Variants in HS3ST3A1 observed in about 807,000 individuals in gnomAD.
HS3ST3A1 encodes heparan sulfate-glucosamine 3-sulfotransferase 3A1, also known as heparan sulfate glucosamine 3-O-sulfotransferase 3A1.
HS3ST3A1 carries 19 observed loss-of-function variants against 25.7 expected under a neutral mutation model. The observed-to-expected ratio is 0.74, with a 90% CI of 0.52 to 1.08. The LOEUF is 1.08. Among genes scored for constraint, HS3ST3A1 ranks in the 50% least tolerant of loss-of-function variants. HS3ST3A1 has a pLI of 0.00. For missense variants in HS3ST3A1, 459 were observed against 594.3 expected, an observed-to-expected ratio of 0.77 and a Z score of 2.37; for synonymous variants, 226 against 278.6, an observed-to-expected ratio of 0.81 and a Z score of 1.88.
At chr17:13,568,786 C>T (rs1433976971) in intron 1 of HS3ST3A1, among the ~76,000 whole-genome samples, 2 of 152,100 alleles carry the variant, frequency 1.3e-5, no homozygotes, top group African/African-American at 2.4e-5. Flanking sequence ...AAAAATCACT[C>T]GGAACAGCTT....
intron 1 of HS3ST3A1, among the ~76,000 whole-genome samples, chr17:13,498,676 C>T (rs1905359280): frequency 6.6e-6 from 1 of 152,194 alleles, no homozygotes; most frequent in Non-Finnish European, 1.5e-5. Context: ...GCAGGCTTCC[C>T]CAAACTGGGT....
intron 1 of HS3ST3A1, among the ~76,000 whole-genome samples, chr17:13,597,163 C>A (rs140711575): frequency 2.0e-5 from 3 of 151,926 alleles, no homozygotes; most frequent in African/African-American, 7.2e-5. Context: ...TATCTTGTAC[C>A]AAAATAATAG....
At chr17:13,512,812 G>A (rs1012154774) in intron 1 of HS3ST3A1, among the ~76,000 whole-genome samples, 6 of 152,132 alleles carry the variant, frequency 3.9e-5, no homozygotes, top group African/African-American at 7.2e-5. Flanking sequence ...ATCTGCGTAT[G>A]TCTTTGTTTT....
intron 1 of HS3ST3A1, among the ~76,000 whole-genome samples, chr17:13,551,625 A>AGG (rs753574251): frequency 0.028 from 2,897 of 104,988 alleles, 57 homozygotes; most frequent in Non-Finnish European, 0.042. Flanking sequence ...GAAAAAAAAA[A>AGG]GGGGGGGGGG....
intron 1 of HS3ST3A1, among the ~76,000 whole-genome samples, chr17:13,552,111 G>C (rs538038347): frequency 6.6e-6 from 1 of 152,064 alleles, no homozygotes; most frequent in South Asian, 2.1e-4. Context: ...ACAGAGTCTC[G>C]TTCTGTCGCC....
intron 1 of HS3ST3A1, among the ~76,000 whole-genome samples, chr17:13,528,722 T>A (rs1201596794): frequency 6.6e-6 from 1 of 152,080 alleles, no homozygotes; most frequent in African/African-American, 2.4e-5. Flanking sequence ...GTGTGATGGA[T>A]CCAACCACTG....
At chr17:13,576,882 G>T (rs1395090442) in intron 1 of HS3ST3A1, among the ~76,000 whole-genome samples, 1 of 152,172 alleles carries the variant, frequency 6.6e-6, no homozygotes, top group East Asian at 1.9e-4. Flanking sequence ...CATTTGGTTG[G>T]TAGGATGGCC....
chr17:13,566,087 T>C lies in HS3ST3A1; in HGVS notation c.599+34444A>G, dbSNP rs941101299. ...TCTGGTTTACTGTGCATTGCAGATA[T>C]TGCATTTTTTAAAAATTGAAGGTTT... On this transcript the variant is annotated intron_variant, in intron 1 of 1. Coordinates refer to ENST00000284110, the MANE Select transcript of HS3ST3A1 (RefSeq NM_006042.3). Among the ~76,000 whole-genome samples, 105 of 152,234 alleles carry C rather than the reference T, an allele frequency of 6.9e-4. 1 individual carries two copies. Among genetic ancestry groups the C allele is most frequent in the African/African-American group, 2.5e-3 (105 of 41,464 alleles).
At chr17:13,519,138 C>T (rs1201477473) in intron 1 of HS3ST3A1, among the ~76,000 whole-genome samples, 1 of 152,170 alleles carries the variant, frequency 6.6e-6, no homozygotes, top group Non-Finnish European at 1.5e-5. Flanking sequence ...GATGTACCCT[C>T]TAAGAAATTG....
intron 1 of HS3ST3A1, among the ~76,000 whole-genome samples, chr17:13,511,052 C>T (rs549368185): frequency 6.6e-6 from 1 of 152,310 alleles, no homozygotes. Flanking sequence ...TTTTACATAG[C>T]CTCTTAGTGC....
intron 1 of HS3ST3A1, among the ~76,000 whole-genome samples, chr17:13,499,280 C>T (rs932545800): frequency 1.5e-4 from 23 of 152,064 alleles, no homozygotes; most frequent in African/African-American, 5.1e-4. Context: ...GTTGGCTAGG[C>T]CAGCCTAATA....
At chr17:13,569,574 T>C (rs2142372036) in intron 1 of HS3ST3A1, among the ~76,000 whole-genome samples, 1 of 152,182 alleles carries the variant, frequency 6.6e-6, no homozygotes, top group East Asian at 1.9e-4. Flanking sequence ...ATGAATCAGG[T>C]GATTCACGGC....
intron 1 of HS3ST3A1, among the ~76,000 whole-genome samples, chr17:13,578,365 C>T (rs555348939): frequency 5.7e-5 from 8 of 140,532 alleles, no homozygotes; most frequent in Non-Finnish European, 9.1e-5. Context: ...CCGGCCAACA[C>T]GGTGAAATCC....
chr17:13,516,887 C>T (rs145652860), intron 1 of HS3ST3A1, among the ~76,000 whole-genome samples: 3,589 of 152,102 alleles, frequency 0.024, 163 homozygotes, highest in African/African-American at 0.082. Flanking sequence ...AGGGTTTCAC[C>T]GTGTTAGCCA....
At chr17:13,568,853 C>A (rs1320739040) in intron 1 of HS3ST3A1, among the ~76,000 whole-genome samples, 1 of 152,210 alleles carries the variant, frequency 6.6e-6, no homozygotes, top group African/African-American at 2.4e-5. Flanking sequence ...ACCAGTTCTT[C>A]TGTTGATTTC....
chr17:13,584,369 T>C (rs941077357), intron 1 of HS3ST3A1, among the ~76,000 whole-genome samples: 3 of 148,032 alleles, frequency 2.0e-5, no homozygotes, highest in Non-Finnish European at 3.0e-5. Context: ...GTGTGTTTAA[T>C]CATTAAGGAT....
At chr17:13,567,962 C>T (rs1164236546) in intron 1 of HS3ST3A1, among the ~76,000 whole-genome samples, 2 of 152,124 alleles carry the variant, frequency 1.3e-5, no homozygotes, top group African/African-American at 2.4e-5. Context: ...AAAGGAAGTT[C>T]GACTGGAGGT....
intron 1 of HS3ST3A1, among the ~76,000 whole-genome samples, chr17:13,535,864 C>T (rs1380714506): frequency 6.6e-6 from 1 of 152,164 alleles, no homozygotes; most frequent in Non-Finnish European, 1.5e-5. Flanking sequence ...TAAGGTTTTA[C>T]TGACCCATTG....
intron 1 of HS3ST3A1, among the ~76,000 whole-genome samples, chr17:13,534,654 G>A (rs975145989): frequency 6.6e-6 from 1 of 151,606 alleles, no homozygotes; most frequent in African/African-American, 2.4e-5. Context: ...CTGCAGCCCA[G>A]GGAGATCAAG....
Sources: allele counts gnomAD v4.1 joint callset (sites outside exome capture counted in the v4.1 genomes callset), GRCh38; gene constraint gnomAD v4.1.1; transcripts MANE v1.5; gene names NCBI Gene and HGNC (gene_info 2026-07-23, HGNC 2026-07-21).